METTL8: variants seen among roughly 807,000 people sequenced by gnomAD.
The protein encoded by METTL8 is methyltransferase 8, tRNA N3-cytidine.
A neutral mutation model predicts 48.7 loss-of-function variants in METTL8; 32 were observed. The ratio of observed to expected loss-of-function variants is 0.66; its 90% CI spans 0.50 to 0.88. The LOEUF is 0.88. METTL8 is among the 40% of genes least tolerant of loss of function. The probability of loss-of-function intolerance (pLI) is 0.00; values close to 1 mark genes in which losing one functional copy is unlikely to be tolerated. For synonymous variants in METTL8, 136 were observed against 157.1 expected (o/e 0.87, Z 1.01); for missense variants, 464 against 474.4 (o/e 0.98, Z 0.20).
rs758422964 is a variant in METTL8 at position 171,360,513 on chromosome 2, C to A, written c.144G>T (p.Trp48Cys). 2 of 1,609,054 alleles carry A rather than the reference C, an allele frequency of 1.2e-6. No individual in the cohort carries two copies. The highest frequency in any genetic ancestry group is 4.5e-5 in the East Asian group (2 of 44,828). Reference protein sequence around the residue: ...DPAKVFEHNMWDHMQWSKEEE... With the variant: ...DPAKVFEHNMCDHMQWSKEEE... ...CTTCCTTAGACCACTGCATGTGATC[C>A]CTATTAAAAAAAAATAGACTGTAAA... The change falls in exon 3 of 10, where the codon TGG becomes TGT. Residue 48 changes from tryptophan (W) to cysteine (C), a missense_variant and splice_region_variant. By Grantham distance (215) the Trp-to-Cys change is radical. Transcript: ENST00000375258.
intron 1 of METTL8, among the ~76,000 whole-genome samples, chr2:171,425,346 C>T (rs1415670962): frequency 1.3e-5 from 2 of 152,124 alleles, no homozygotes; most frequent in Non-Finnish European, 2.9e-5. Context: ...CCCAAGAGAC[C>T]CCCTCATCCT....
At chr2:171,391,991 C>G in intron 2 of METTL8, 52 bp downstream of exon 2, 1 of 1,490,676 alleles carries the variant, frequency 6.7e-7, no homozygotes, top group African/African-American at 1.4e-5. Context: ...AATAATACCA[C>G]TGGTGATATT....
At chr2:171,343,450 T>C (rs1390459570) in intron 3 of METTL8, among the ~76,000 whole-genome samples, 2 of 150,920 alleles carry the variant, frequency 1.3e-5, no homozygotes, top group African/African-American at 4.9e-5. Flanking sequence ...AATAAATAAA[T>C]AAATAAATAA....
chr2:171,416,586 C>G (rs1691337161), intron 1 of METTL8, among the ~76,000 whole-genome samples: 1 of 152,200 alleles, frequency 6.6e-6, no homozygotes, highest in African/African-American at 2.4e-5. Context: ...TATAAAGCTC[C>G]ATTAGCCTTT....
chr2:171,356,919 G>A (rs1684604408), intron 3 of METTL8, among the ~76,000 whole-genome samples: 1 of 142,600 alleles, frequency 7.0e-6, no homozygotes, highest in African/African-American at 2.6e-5. Context: ...AGTTGGAAAG[G>A]AAGAAGTCAA....
At chr2:171,426,872 C>G (rs1303345068) in intron 1 of METTL8, among the ~76,000 whole-genome samples, 1 of 152,196 alleles carries the variant, frequency 6.6e-6, no homozygotes, top group African/African-American at 2.4e-5. Flanking sequence ...AGAAGAATGT[C>G]ACATCACTCT....
intron 1 of METTL8, among the ~76,000 whole-genome samples, chr2:171,411,528 T>G (rs976886727): frequency 1.3e-5 from 2 of 152,128 alleles, no homozygotes; most frequent in African/African-American, 2.4e-5. Flanking sequence ...AATACATATA[T>G]AAGAATTCCA....
Position 171,322,861 on chromosome 2 carries a change from G to A in METTL8, c.*1311C>T, listed in dbSNP as rs1251682309. 1 of 152,200 alleles carries A rather than the reference G, an allele frequency of 6.6e-6. No individual in the cohort carries two copies. Among genetic ancestry groups the A allele is most frequent in the African/African-American group, 2.4e-5 (1 of 41,446 alleles). 9.4% of individuals were successfully genotyped at this position (152,200 alleles called of 1,614,324 possible). ...TATTTCTTGATTATATGCTACACAA[G>A]GGGTGGATTATTCAGGCCTCCCCTT... On this transcript the variant is annotated 3_prime_UTR_variant, in exon 10 of 10. Transcript: ENST00000375258.
intron 7 of METTL8, among the ~76,000 whole-genome samples, chr2:171,329,338 T>A (rs148930699): frequency 6.6e-6 from 1 of 152,358 alleles, no homozygotes; most frequent in East Asian, 1.9e-4. Context: ...AAATACATTA[T>A]CTGAACTAAT....
intron 5 of METTL8, among the ~76,000 whole-genome samples, chr2:171,336,728 G>T (rs1196313268): frequency 6.6e-6 from 1 of 152,070 alleles, no homozygotes; most frequent in Non-Finnish European, 1.5e-5. Context: ...CAGAAGGGAT[G>T]ACAAAATGAG....
At chr2:171,370,528 A>C (rs1559126520) in intron 2 of METTL8, among the ~76,000 whole-genome samples, 2 of 152,324 alleles carry the variant, frequency 1.3e-5, no homozygotes, top group East Asian at 3.9e-4. Context: ...ACGGTGGCTC[A>C]TGCCTGTAAT....
intron 1 of METTL8, among the ~76,000 whole-genome samples, chr2:171,429,069 C>T (rs1692706266): frequency 6.6e-6 from 1 of 151,596 alleles, no homozygotes; most frequent in Non-Finnish European, 1.5e-5. Flanking sequence ...ATCTTCAAGG[C>T]TATGAGATTT....
At chr2:171,413,217 C>T (rs1178381139) in intron 1 of METTL8, among the ~76,000 whole-genome samples, 1 of 152,214 alleles carries the variant, frequency 6.6e-6, no homozygotes, top group Non-Finnish European at 1.5e-5. Context: ...GATACTACCA[C>T]TTACTGGGAT....
intron 1 of METTL8, among the ~76,000 whole-genome samples, chr2:171,423,254 T>G (rs753297341): frequency 5.3e-5 from 8 of 152,230 alleles, no homozygotes; most frequent in Non-Finnish European, 1.0e-4. Context: ...GTCTCAGGTA[T>G]GTCTTTATTA....
At chr2:171,427,518 C>T (rs751265230) in intron 1 of METTL8, among the ~76,000 whole-genome samples, 7 of 152,218 alleles carry the variant, frequency 4.6e-5, no homozygotes, top group Non-Finnish European at 1.0e-4. Context: ...AAGAGCCACA[C>T]TGGCCTTCTG....
intron 2 of METTL8, among the ~76,000 whole-genome samples, chr2:171,360,818 G>A (rs889175558): frequency 2.6e-5 from 4 of 151,980 alleles, no homozygotes; most frequent in Admixed American, 6.6e-5. Flanking sequence ...CTGGTATGCC[G>A]GTTTTTACTC....
chr2:171,357,735 C>T (rs1684741652), intron 3 of METTL8, among the ~76,000 whole-genome samples: 1 of 151,796 alleles, frequency 6.6e-6, no homozygotes, highest in African/African-American at 2.4e-5. Context: ...CGCTCTGTCA[C>T]CCAGTCTGGA....
chr2:171,377,143 A>G (rs1380962821), intron 2 of METTL8, among the ~76,000 whole-genome samples: 1 of 152,188 alleles, frequency 6.6e-6, no homozygotes, highest in Non-Finnish European at 1.5e-5. Flanking sequence ...GACAAGCCAC[A>G]TAACAGAAGA....
intron 2 of METTL8, among the ~76,000 whole-genome samples, chr2:171,371,928 G>T (rs899847828): frequency 2.6e-5 from 4 of 151,586 alleles, no homozygotes; most frequent in African/African-American, 7.3e-5. Flanking sequence ...TGCATCAAGC[G>T]ATCTTCCTGC....
Sources: gnomAD v4.1 joint callset for allele counts (sites outside exome capture counted in the v4.1 genomes callset) on GRCh38, gnomAD v4.1.1 for gene constraint, MANE v1.5 for transcripts, NCBI Gene and HGNC (gene_info 2026-07-23, HGNC 2026-07-21) for gene names.